LRP1B: variants seen among roughly 807,000 people sequenced by gnomAD.
LRP1B encodes LDL receptor related protein 1B, also known as low-density lipoprotein receptor-related protein 1B.
LRP1B carries 217 observed loss-of-function variants against 556.6 expected under a neutral mutation model. The observed-to-expected ratio is 0.39, with a 90% CI of 0.35 to 0.44. The LOEUF (loss-of-function observed/expected upper bound fraction) is 0.44. Ranked by LOEUF, LRP1B falls within the 20% of genes least tolerant of loss-of-function variation. The pLI is 1.00. For synonymous variants in LRP1B, 2,047 were observed against 1,865.8 expected (o/e 1.10, Z -2.50); for missense variants, 5,053 against 5,620.8 (o/e 0.90, Z 3.23).
At chr2:141,314,735 G>A (rs1216827870) in intron 3 of LRP1B, among the ~76,000 whole-genome samples, 2 of 149,670 alleles carry the variant, frequency 1.3e-5, no homozygotes, top group Non-Finnish European at 3.0e-5. Flanking sequence ...AGTTTGCAGT[G>A]AGCCGAGATG....
At chr2:141,806,983 C>T (rs933182246) in intron 2 of LRP1B, among the ~76,000 whole-genome samples, 1 of 152,048 alleles carries the variant, frequency 6.6e-6, no homozygotes, top group African/African-American at 2.4e-5. Context: ...ATACAACATA[C>T]TTTGTCTTCA....
At chr2:140,657,586 C>CATACATACATATATATACATATAT (rs1684928614) in intron 41 of LRP1B, among the ~76,000 whole-genome samples, 2 of 145,238 alleles carry the variant, frequency 1.4e-5, no homozygotes, top group African/African-American at 5.0e-5. Context: ...CATATATATA[C>CATACATACATATATATACATATAT]ATACATACAT....
intron 67 of LRP1B, among the ~76,000 whole-genome samples, chr2:140,383,704 T>G (rs989445129): frequency 1.9e-4 from 29 of 152,316 alleles, no homozygotes; most frequent in African/African-American, 6.7e-4. Context: ...GTCCCATATA[T>G]GCCTACTAGT....
At chr2:141,505,507 A>G (rs1358324111) in intron 2 of LRP1B, among the ~76,000 whole-genome samples, 2 of 152,088 alleles carry the variant, frequency 1.3e-5, no homozygotes, top group African/African-American at 2.4e-5. Flanking sequence ...AATTTTCACA[A>G]TGAAGCTGTG....
At chr2:141,276,663 T>C (rs976425880) in intron 3 of LRP1B, among the ~76,000 whole-genome samples, 11 of 148,592 alleles carry the variant, frequency 7.4e-5, no homozygotes, top group African/African-American at 2.5e-4. Flanking sequence ...TCTTTCTTTT[T>C]TTTTTTTTTT....
chr2:140,385,833 C>A (rs1683734775), intron 67 of LRP1B, 60 bp downstream of exon 67: 1 of 1,124,654 alleles, frequency 8.9e-7, no homozygotes, highest in Admixed American at 1.8e-5. Context: ...CTAAAAATTG[C>A]CATCCTGCTT....
chr2:140,516,658 T>G lies in LRP1B; in HGVS notation c.8149+231A>C, dbSNP rs867412182. ...TATTATAAACTGATGGAAGTAATTA[T>G]TCAACAAAAACAGAGGTTAAAAGAA... On this transcript the variant is annotated intron_variant, in intron 50 of 90. Coordinates refer to ENST00000389484, the MANE Select transcript of LRP1B (RefSeq NM_018557.3). Among the ~76,000 whole-genome samples, 37 of 152,228 alleles carry G rather than the reference T, an allele frequency of 2.4e-4. No homozygotes were observed. In the Middle Eastern group the frequency reaches 0.014, roughly 56 times the overall value.
At chr2:140,552,495 G>A (rs1369751811) in intron 43 of LRP1B, among the ~76,000 whole-genome samples, 3 of 152,078 alleles carry the variant, frequency 2.0e-5, no homozygotes, top group Non-Finnish European at 4.4e-5. Flanking sequence ...GTTTCACTAA[G>A]AACTGAGCTA....
At position 140,232,631 on chromosome 2, in the gene LRP1B, T is replaced by C. The variant is rs1243704995; in HGVS notation, c.*555A>G. On this transcript the variant is annotated 3_prime_UTR_variant, in exon 91 of 91. Coordinates refer to ENST00000389484, the MANE Select transcript of LRP1B (RefSeq NM_018557.3). ...TTTTTTTCCTCAAAATTCTCATCTA[T>C]TGGTTGGCAATCTAAGGCTAATTTC... 1 of 151,738 alleles carries C rather than the reference T, an allele frequency of 6.6e-6. No homozygotes were observed. Among genetic ancestry groups the C allele is most frequent in the African/African-American group, 2.4e-5 (1 of 41,334 alleles). 9.4% of individuals were successfully genotyped at this position (151,738 alleles called of 1,614,324 possible). A position where few individuals can be genotyped will look rare whatever the true frequency, so the allele number is the denominator to read the frequency against.
intron 1 of LRP1B, among the ~76,000 whole-genome samples, chr2:141,920,113 C>T (rs1369544): frequency 0.86 from 130,845 of 151,806 alleles, 56,538 homozygotes; most frequent in East Asian, 1. Context: ...TTATGTGTTT[C>T]CTCAGTACCA....
At chr2:142,044,682 C>A (rs998271191) in intron 1 of LRP1B, among the ~76,000 whole-genome samples, 28 of 151,628 alleles carry the variant, frequency 1.8e-4, no homozygotes, top group African/African-American at 3.9e-4. Context: ...CAATTCTATT[C>A]TTTTCTCTTT....
chr2:140,389,736 T>C (rs971053021), intron 66 of LRP1B, among the ~76,000 whole-genome samples: 2 of 146,524 alleles, frequency 1.4e-5, no homozygotes, highest in South Asian at 4.2e-4. Context: ...TATATATGTA[T>C]ATATAGTTTT....
At chr2:141,291,617 G>T (rs544671985) in intron 3 of LRP1B, among the ~76,000 whole-genome samples, 1 of 152,158 alleles carries the variant, frequency 6.6e-6, no homozygotes, top group Admixed American at 6.5e-5. Flanking sequence ...AGCACTTTGG[G>T]AGGCCGAGGC....
intron 7 of LRP1B, among the ~76,000 whole-genome samples, chr2:141,136,691 A>G (rs1474361324): frequency 2.6e-5 from 4 of 151,666 alleles, no homozygotes; most frequent in Non-Finnish European, 4.4e-5. Context: ...GGTACCTATT[A>G]TATTTGTAAG....
At chr2:140,712,226 C>T (rs1312537933) in intron 37 of LRP1B, among the ~76,000 whole-genome samples, 3 of 152,082 alleles carry the variant, frequency 2.0e-5, no homozygotes, top group African/African-American at 7.2e-5. Flanking sequence ...AATCTGAATA[C>T]CAAGTTCCGT....
intron 1 of LRP1B, among the ~76,000 whole-genome samples, chr2:142,047,252 A>C (rs1374487163): frequency 6.6e-6 from 1 of 151,980 alleles, no homozygotes; most frequent in Non-Finnish European, 1.5e-5. Context: ...ACACACGTAC[A>C]TGGAGGCTTG....
chr2:140,239,630 A>T (rs1424188327), intron 87 of LRP1B, 98 bp from the exon 88 acceptor site: 1 of 662,696 alleles, frequency 1.5e-6, no homozygotes, highest in Non-Finnish European at 2.5e-6. Context: ...TTGACCATTG[A>T]TATAATAAAA....
chr2:141,639,336 A>C (rs1689230790), intron 2 of LRP1B, among the ~76,000 whole-genome samples: 1 of 29,864 alleles, frequency 3.3e-5, no homozygotes, highest in Non-Finnish European at 8.0e-5. Flanking sequence ...ATATATATAT[A>C]TATATATATA....
At chr2:140,967,935 C>T (rs1696283359) in intron 18 of LRP1B, among the ~76,000 whole-genome samples, 1 of 147,934 alleles carries the variant, frequency 6.8e-6, no homozygotes, top group Non-Finnish European at 1.5e-5. Context: ...CTGCTGGATT[C>T]AGTTTGCCAG....
Sources: allele counts gnomAD v4.1 joint callset (sites outside exome capture counted in the v4.1 genomes callset), GRCh38; gene constraint gnomAD v4.1.1; transcripts MANE v1.5; gene names NCBI Gene and HGNC (gene_info 2026-07-23, HGNC 2026-07-21).